Variants in SWT1 observed in about 807,000 individuals in gnomAD.
SWT1 encodes SWT1 RNA endoribonuclease homolog, also known as transcriptional protein SWT1.
SWT1 carries 33 observed loss-of-function variants against 107.3 expected under a neutral mutation model. The ratio of observed to expected loss-of-function variants is 0.31; its 90% CI spans 0.23 to 0.41. The LOEUF (loss-of-function observed/expected upper bound fraction) is 0.41. Among genes scored for constraint, SWT1 ranks in the 10% least tolerant of loss-of-function variants. The pLI is 1.00. For synonymous variants in SWT1, 345 were observed against 348.3 expected (o/e 0.99, Z 0.11); for missense variants, 898 against 1,028.9 (o/e 0.87, Z 1.74).
chr1:185,223,899 A>G (rs1415327784), intron 15 of SWT1, among the ~76,000 whole-genome samples: 1 of 152,072 alleles, frequency 6.6e-6, no homozygotes, highest in Non-Finnish European at 1.5e-5. Context: ...CACAAGCGGT[A>G]TTTGGTTTTT....
chr1:185,282,376 T>C (rs1571708955), intron 18 of SWT1, among the ~76,000 whole-genome samples: 1 of 144,832 alleles, frequency 6.9e-6, no homozygotes, highest in Non-Finnish European at 1.5e-5. Context: ...ATGGTTTGGT[T>C]AAAAAAAAAA....
At chr1:185,219,342 C>T (rs983571374) in intron 14 of SWT1, among the ~76,000 whole-genome samples, 2 of 152,088 alleles carry the variant, frequency 1.3e-5, no homozygotes, top group African/African-American at 4.8e-5. Context: ...TATGGACCAT[C>T]ATAGTATCTG....
intron 16 of SWT1, among the ~76,000 whole-genome samples, chr1:185,268,591 AT>A (rs1159873757): frequency 6.6e-6 from 1 of 152,148 alleles, no homozygotes; most frequent in Non-Finnish European, 1.5e-5. Flanking sequence ...ACTTGCTCTG[AT>A]CTGGGCATCT....
At chr1:185,204,936 C>T (rs1254576959) in intron 12 of SWT1, 73 bp downstream of exon 12, 6 of 894,114 alleles carry the variant, frequency 6.7e-6, no homozygotes, top group Non-Finnish European at 9.7e-6. Context: ...AGAAATATTA[C>T]TTGTATAAAA....
At chr1:185,159,864 A>G (rs1653992773) in intron 1 of SWT1, among the ~76,000 whole-genome samples, 1 of 152,082 alleles carries the variant, frequency 6.6e-6, no homozygotes, top group African/African-American at 2.4e-5. Flanking sequence ...AGCTGGGATT[A>G]CAGGCATGCA....
Position 185,262,810 on chromosome 1 carries a change from G to A in SWT1, c.2442-8513G>A, listed in dbSNP as rs184782725. Among the ~76,000 whole-genome samples the A allele has an allele frequency of 2.3e-3, 344 of 148,826 alleles. 1 individual carries two copies. The highest frequency in any genetic ancestry group is 3.7e-3 in the Non-Finnish European group (246 of 67,366). ...TCTTTTTTTTTTTTTTTTTGAGAGA[G>A]GGTCTCACTCCCTGTGCCCAGGCTG... is the stretch of plus-strand genomic sequence containing the variant. On this transcript the variant is annotated intron_variant, in intron 16 of 18. Coordinates refer to ENST00000367500, the MANE Select transcript of SWT1 (RefSeq NM_017673.7).
Position 185,271,362 on chromosome 1 carries a change from C to A in SWT1, c.2481C>A (p.Thr827=). 1 of 1,518,108 alleles carries A rather than the reference C, an allele frequency of 6.6e-7. No homozygotes were observed. 94.0% of individuals were successfully genotyped at this position (1,518,108 alleles called of 1,614,324 possible). Residue 827 remains threonine (T), a synonymous_variant, in exon 17 of 19, where the codon ACC becomes ACA. Transcript: ENST00000367500. ...ACAGTAATTATCAAGATGTTGAGACCCTCTATAACTTCCTAATCAAGTATG... is the reference window on the plus strand; with the variant it reads ...ACAGTAATTATCAAGATGTTGAGACACTCTATAACTTCCTAATCAAGTATG... ...APNSNYQDVE[T]LYNFLIKYEV...
At chr1:185,285,661 T>G (rs1664903381) in intron 18 of SWT1, among the ~76,000 whole-genome samples, 1 of 152,202 alleles carries the variant, frequency 6.6e-6, no homozygotes. Context: ...ATTTTTATAG[T>G]TTTAGCTCTT....
At chr1:185,241,752 T>A (rs980590336) in intron 16 of SWT1, among the ~76,000 whole-genome samples, 2 of 152,072 alleles carry the variant, frequency 1.3e-5, no homozygotes, top group Non-Finnish European at 2.9e-5. Flanking sequence ...TTTTTAAGGC[T>A]GAATGCTAAT....
chr1:185,233,993 C>T (rs1328576540), intron 16 of SWT1, among the ~76,000 whole-genome samples: 2 of 152,190 alleles, frequency 1.3e-5, no homozygotes, highest in Non-Finnish European at 2.9e-5. Flanking sequence ...ATCCACCCCC[C>T]TCAGCCTCCC....
chr1:185,223,460 T>G (rs920870367), intron 15 of SWT1, among the ~76,000 whole-genome samples: 9 of 152,114 alleles, frequency 5.9e-5, no homozygotes, highest in Non-Finnish European at 1.0e-4. Context: ...GGATTACAGG[T>G]GTGAGCCACC....
chr1:185,214,538 A>G lies in SWT1; in HGVS notation c.2004A>G (p.Lys668=). ...AGGCAGTGGATTTTACAACAGTCAAATTCTTGCTTCAGGATTCTAGAAGTT... is the reference window on the plus strand; with the variant it reads ...AGGCAGTGGATTTTACAACAGTCAAGTTCTTGCTTCAGGATTCTAGAAGTT... The part of the protein sequence containing the change: ...ANKAVDFTTV[K]FLLQDSRSLL... Residue 668 remains lysine, a synonymous_variant, in exon 14 of 19, where the codon AAA becomes AAG. Coordinates refer to ENST00000367500, the MANE Select transcript of SWT1 (RefSeq NM_017673.7). The G allele has an allele frequency of 6.2e-7, 1 of 1,610,464 alleles. No individual in the cohort carries two copies. Among genetic ancestry groups the G allele is most frequent in the Non-Finnish European group, 8.5e-7 (1 of 1,178,646 alleles).
chr1:185,187,418 C>G (rs766183097), intron 9 of SWT1, among the ~76,000 whole-genome samples: 22 of 152,062 alleles, frequency 1.4e-4, no homozygotes, highest in Non-Finnish European at 2.5e-4. Context: ...TTATCTGCCA[C>G]TCCCCCAATC....
chr1:185,200,854 G>A (rs774224747), intron 10 of SWT1, among the ~76,000 whole-genome samples: 3 of 152,152 alleles, frequency 2.0e-5, no homozygotes, highest in Non-Finnish European at 4.4e-5. Context: ...GCCCACAGCC[G>A]CAGCTTCCCC....
chr1:185,231,580 G>A lies in SWT1; in HGVS notation c.2313G>A (p.Thr771=), dbSNP rs762586634. 29 of 1,604,254 alleles carry A rather than the reference G, an allele frequency of 1.8e-5. No homozygotes were observed. Among genetic ancestry groups the A allele is most frequent in the Middle Eastern group, 1.7e-4 (1 of 5,764 alleles). The change falls in exon 16 of 19, where the codon ACG becomes ACA. Residue 771 remains threonine, a synonymous_variant. Coordinates refer to ENST00000367500, the MANE Select transcript of SWT1 (RefSeq NM_017673.7). ...SVWITIYQNS[T]DVFQRLGSNS... ...ATCTTTTTTTTCTCTATTTTAGCAC[G>A]GATGTATTTCAAAGATTGGGCTCAA...
chr1:185,246,037 A>T (rs987213357), intron 16 of SWT1, among the ~76,000 whole-genome samples: 1 of 151,696 alleles, frequency 6.6e-6, no homozygotes, highest in African/African-American at 2.4e-5. Context: ...CAAAGTGCTG[A>T]GATTACAGGT....
intron 5 of SWT1, chr1:185,176,537 C>T: frequency 1.0e-6 from 1 of 970,946 alleles, no homozygotes; most frequent in Non-Finnish European, 1.2e-6. Flanking sequence ...AACCTAATCT[C>T]TATAATTTTG....
intron 13 of SWT1, among the ~76,000 whole-genome samples, chr1:185,213,920 A>T (rs1428965849): frequency 6.6e-6 from 1 of 152,160 alleles, no homozygotes; most frequent in East Asian, 1.9e-4. Flanking sequence ...CAGGAAAAAA[A>T]TTCTGCAGGC....
intron 10 of SWT1, among the ~76,000 whole-genome samples, chr1:185,197,189 CT>C (rs1286655703): frequency 6.6e-6 from 1 of 152,092 alleles, no homozygotes; most frequent in African/African-American, 2.4e-5. Context: ...TTGAATTTTA[CT>C]GAAGGCCTTT....
Sources: allele counts gnomAD v4.1 joint callset (sites outside exome capture counted in the v4.1 genomes callset), GRCh38; gene constraint gnomAD v4.1.1; transcripts MANE v1.5; gene names NCBI Gene and HGNC (gene_info 2026-07-23, HGNC 2026-07-21).